Variants in ANK3 observed in about 807,000 individuals in gnomAD.
ANK3 encodes ankyrin-3.
Under a neutral mutation model 370.9 loss-of-function variants are expected in ANK3, and 57 were observed. The ratio of observed to expected loss-of-function variants is 0.15; its 90% CI spans 0.12 to 0.19. The LOEUF (loss-of-function observed/expected upper bound fraction) is 0.19. ANK3 is among the 10% of genes least tolerant of loss of function. The probability of loss-of-function intolerance (pLI) is 1.00; values close to 1 mark genes in which losing one functional copy is unlikely to be tolerated. For synonymous variants in ANK3, 1,929 were observed against 1,946.3 expected (o/e 0.99, Z 0.23); for missense variants, 4,439 against 5,302.1 (o/e 0.84, Z 5.06).
chr10:60,691,430 G>A (rs967224285), intron 1 of ANK3, among the ~76,000 whole-genome samples: 5 of 152,150 alleles, frequency 3.3e-5, no homozygotes, highest in African/African-American at 7.2e-5. Context: ...ACTCATTCAC[G>A]AGGGTTATTA....
chr10:60,074,068 C>A lies in ANK3; in HGVS notation c.6813G>T (p.Met2271Ile). The part of the protein sequence containing the change: ...EGASERIEET[M>I]SVHDIMKAFQ... ...AGGCCTTCATGATGTCATGGACTGA[C>A]ATGGTTTCTTCAATTCTTTCAGATG... is the stretch of plus-strand genomic sequence containing the variant. The change falls in exon 37 of 44, where the codon ATG becomes ATT. Residue 2271 changes from methionine (M) to isoleucine (I), a missense_variant. Transcript: ENST00000280772. 6.2e-7 allele frequency: 1 copy of A among 1,614,108 alleles called. No homozygotes were observed. Among genetic ancestry groups the A allele is most frequent in the Non-Finnish European group, 8.5e-7 (1 of 1,179,988 alleles).
At chr10:60,405,447 T>C (rs190846781) in intron 2 of ANK3, among the ~76,000 whole-genome samples, 1 of 152,170 alleles carries the variant, frequency 6.6e-6, no homozygotes, top group East Asian at 1.9e-4. Flanking sequence ...GCAAAACTAA[T>C]CTATAGTGAA....
At chr10:60,684,303 C>T (rs10761547) in intron 1 of ANK3, among the ~76,000 whole-genome samples, 40,941 of 152,092 alleles carry the variant, frequency 0.27, 6,634 homozygotes, top group South Asian at 0.48. Flanking sequence ...GCCCACCTGG[C>T]GCTCAGGCCT....
intron 2 of ANK3, among the ~76,000 whole-genome samples, chr10:60,572,284 T>C (rs1205343368): frequency 6.6e-6 from 1 of 151,978 alleles, no homozygotes. Flanking sequence ...TGTATCCGAG[T>C]TGTGATGATT....
chr10:60,706,395 C>T (rs1252039609), intron 1 of ANK3, among the ~76,000 whole-genome samples: 3 of 152,128 alleles, frequency 2.0e-5, no homozygotes, highest in Non-Finnish European at 4.4e-5. Flanking sequence ...AGATGTCAGC[C>T]CCAAGATAAC....
chr10:60,137,374 G>GAA (rs201151245), intron 24 of ANK3: 2,336 of 164,036 alleles, frequency 0.014, 115 homozygotes, highest in South Asian at 0.031. Flanking sequence ...GTAATTTTAG[G>GAA]AAAAAAAAAA....
At chr10:60,646,141 G>A (rs974453010) in intron 1 of ANK3, among the ~76,000 whole-genome samples, 4 of 151,878 alleles carry the variant, frequency 2.6e-5, no homozygotes, top group African/African-American at 7.3e-5. Context: ...AGGGAGCCAA[G>A]GTCTTTTGTG....
At position 60,072,152 on chromosome 10, in the gene ANK3, T is replaced by G; in HGVS notation, c.8729A>C (p.Asn2910Thr). ...TTCTTTAATTTCTGAGAGAGAGCCG[T>G]TTGTTAACAATTTGCGTTCTCTCTC... ...VTERERKLLTNGSLSEIKEMT... is the reference protein window; with the variant it reads ...VTERERKLLTTGSLSEIKEMT... Residue 2910 changes from asparagine (N) to threonine (T), a missense_variant, in exon 37 of 44, where the codon AAC becomes ACC. Asn to Thr is a moderately conservative substitution (Grantham distance 65). Around this residue, in one of 13 missense-constraint regions of ANK3, gnomAD observed 1,601 missense variants for 1,731.7 expected, o/e 0.92. Transcript: ENST00000280772. The G allele has an allele frequency of 6.2e-7, 1 of 1,613,966 alleles. No individual in the cohort carries two copies. The highest frequency in any genetic ancestry group is 1.1e-5 in the South Asian group (1 of 91,062).
rs1002820505 is a variant in ANK3 at position 60,314,575 on chromosome 10, G to A, written c.115-34936C>T. 5.9e-5 allele frequency among the ~76,000 whole-genome samples: 9 copies of A among 152,262 alleles called. No individual in the cohort carries two copies. The East Asian group carries it at 1.2e-3, about 20-fold the overall frequency. ...TGACTCATCTGGAAAGAGGATAAGC[G>A]TATTTCTGTGGAACAATCCCATGAA... On this transcript the variant is annotated intron_variant, in intron 1 of 43. Transcript: ENST00000280772.
At chr10:60,374,607 C>G (rs1204723261) in intron 1 of ANK3, among the ~76,000 whole-genome samples, 2 of 152,080 alleles carry the variant, frequency 1.3e-5, no homozygotes, top group Non-Finnish European at 2.9e-5. Flanking sequence ...AATACCAGCT[C>G]TGGCTTAAAA....
At chr10:60,334,073 G>T (rs891205225) in intron 1 of ANK3, among the ~76,000 whole-genome samples, 3 of 152,192 alleles carry the variant, frequency 2.0e-5, no homozygotes, top group Admixed American at 6.5e-5. Flanking sequence ...CACTAAAAAA[G>T]GTTAAAAATC....
intron 2 of ANK3, among the ~76,000 whole-genome samples, chr10:60,460,423 C>G (rs1301023818): frequency 1.3e-4 from 20 of 152,116 alleles, no homozygotes; most frequent in Admixed American, 1.2e-3. Context: ...CAGAGTCAGC[C>G]AAACAGATAC....
chr10:60,418,761 C>A (rs1271412621), intron 2 of ANK3, among the ~76,000 whole-genome samples: 1 of 150,134 alleles, frequency 6.7e-6, no homozygotes, highest in East Asian at 1.9e-4. Flanking sequence ...TTTAACTGGG[C>A]ATTCTGTATC....
chr10:60,587,622 A>G (rs1020930138), intron 2 of ANK3, among the ~76,000 whole-genome samples: 1 of 152,210 alleles, frequency 6.6e-6, no homozygotes, highest in African/African-American at 2.4e-5. Flanking sequence ...TGAGGCATCA[A>G]AAACAGTAAT....
chr10:60,684,303 C>G (rs10761547), intron 1 of ANK3, among the ~76,000 whole-genome samples: 7 of 152,158 alleles, frequency 4.6e-5, no homozygotes, highest in African/African-American at 1.7e-4. Context: ...GCCCACCTGG[C>G]GCTCAGGCCT....
chr10:60,417,700 C>T (rs777819704), intron 2 of ANK3, among the ~76,000 whole-genome samples: 3 of 152,140 alleles, frequency 2.0e-5, no homozygotes, highest in Non-Finnish European at 4.4e-5. Context: ...CACAGACTGG[C>T]AGGTGGATGA....
At chr10:60,040,284 A>G (rs527260826) in intron 43 of ANK3, among the ~76,000 whole-genome samples, 1 of 151,874 alleles carries the variant, frequency 6.6e-6, no homozygotes, top group African/African-American at 2.4e-5. Context: ...CTACTTGCTT[A>G]GTTTTCTTTT....
intron 1 of ANK3, among the ~76,000 whole-genome samples, chr10:60,677,888 G>A (rs1292199458): frequency 6.6e-6 from 1 of 151,826 alleles, no homozygotes. Flanking sequence ...GCTAGATCCT[G>A]CTAGGCTTCT....
Position 60,083,610 on chromosome 10 carries a change from T to G in ANK3, c.4082A>C (p.Glu1361Ala). Reference protein sequence around the residue: ...VARSKDIEVLEGKPIYVDCYG... With the variant: ...VARSKDIEVLAGKPIYVDCYG... ...ACAATCAACATAAATAGGTTTTCCT[T>G]CCAGAACCTTTTAGAGTAAAAGAAA... is the stretch of plus-strand genomic sequence containing the variant. The change falls in exon 33 of 44, where the codon GAA (glutamate) becomes GCA (alanine). Residue 1361 changes from glutamate to alanine, a missense_variant. By Grantham distance (107) the Glu-to-Ala change is moderately radical. Around this residue, in one of 13 missense-constraint regions of ANK3, gnomAD observed 702 missense variants for 941.5 expected, o/e 0.75. Transcript: ENST00000280772. 6.3e-7 allele frequency: 1 copy of G among 1,598,802 alleles called. No individual in the cohort carries two copies. Among genetic ancestry groups the G allele is most frequent in the Non-Finnish European group, 8.5e-7 (1 of 1,173,794 alleles).
Sources: allele counts gnomAD v4.1 joint callset (sites outside exome capture counted in the v4.1 genomes callset), GRCh38; gene constraint gnomAD v4.1.1; regional missense constraint gnomAD v4.1.1; transcripts MANE v1.5; gene names NCBI Gene and HGNC (gene_info 2026-07-23, HGNC 2026-07-21).